Variants in HPSE2 observed in about 807,000 individuals in gnomAD.
The protein encoded by HPSE2 is heparanase 2 (inactive), also known as inactive heparanase-2.
HPSE2 carries 38 observed loss-of-function variants against 60.5 expected under a neutral mutation model. That is an observed-to-expected ratio of 0.63 (90% CI 0.48 to 0.82). HPSE2 has a LOEUF of 0.82. Ranked by LOEUF, HPSE2 falls within the 40% of genes least tolerant of loss-of-function variation. The pLI, the probability that HPSE2 is intolerant of heterozygous loss-of-function variation, is 0.00. For synonymous variants in HPSE2, 295 were observed against 293.2 expected, an observed-to-expected ratio of 1.01 and a Z score of -0.06; for missense variants, 713 against 740.4, an observed-to-expected ratio of 0.96 and a Z score of 0.43.
At chr10:99,057,267 T>C (rs1200233090) in intron 3 of HPSE2, among the ~76,000 whole-genome samples, 1 of 152,236 alleles carries the variant, frequency 6.6e-6, no homozygotes, top group Non-Finnish European at 1.5e-5. Flanking sequence ...TATGTAATTT[T>C]GTATCTAGAT....
chr10:98,561,079 GAAGT>G (rs1944162336), intron 9 of HPSE2, among the ~76,000 whole-genome samples: 1 of 152,030 alleles, frequency 6.6e-6, no homozygotes, highest in African/African-American at 2.4e-5. Flanking sequence ...ATTGGTATAG[GAAGT>G]GAGAGCTCCA....
intron 9 of HPSE2, among the ~76,000 whole-genome samples, chr10:98,559,451 G>A (rs1944108758): frequency 6.6e-6 from 1 of 152,046 alleles, no homozygotes; most frequent in Non-Finnish European, 1.5e-5. Flanking sequence ...CACTGTGGTT[G>A]TACCTCAGCA....
At chr10:98,699,883 C>G (rs1948352859) in intron 5 of HPSE2, among the ~76,000 whole-genome samples, 2 of 122,128 alleles carry the variant, frequency 1.6e-5, no homozygotes, top group Non-Finnish European at 3.7e-5. Context: ...CAGTGAACTC[C>G]CATTCACAAT....
intron 11 of HPSE2, among the ~76,000 whole-genome samples, chr10:98,464,433 C>T (rs1940441337): frequency 6.6e-6 from 1 of 152,332 alleles, no homozygotes; most frequent in African/African-American, 2.4e-5. Flanking sequence ...GTGCTCCCTC[C>T]AGCTGTCTTC....
intron 2 of HPSE2, among the ~76,000 whole-genome samples, chr10:99,178,747 G>A (rs577749697): frequency 6.6e-6 from 1 of 152,058 alleles, no homozygotes; most frequent in East Asian, 1.9e-4. Flanking sequence ...GAAAAAGAGG[G>A]AATCCTCCCT....
chr10:99,303,619 G>A, the HPSE2 span, among the ~76,000 whole-genome samples: 1 of 152,134 alleles, frequency 6.6e-6, no homozygotes, highest in Non-Finnish European at 1.5e-5. Flanking sequence ...GGGTACACCC[G>A]TCCAGGATTA....
intron 3 of HPSE2, among the ~76,000 whole-genome samples, chr10:98,766,853 A>T (rs1202857929): frequency 6.6e-6 from 1 of 152,046 alleles, no homozygotes; most frequent in Non-Finnish European, 1.5e-5. Flanking sequence ...TGAGCCTGGG[A>T]GGTCGAGGCT....
intron 7 of HPSE2, among the ~76,000 whole-genome samples, chr10:98,628,714 G>C (rs1946281956): frequency 6.6e-6 from 1 of 152,010 alleles, no homozygotes; most frequent in African/African-American, 2.4e-5. Flanking sequence ...CTGAATCCTT[G>C]GGCCTGCTAG....
In HPSE2 at chr10:98,999,330, A is replaced by C. The variant is rs576548108; in HGVS notation, c.610+144908T>G. On this transcript the variant is annotated intron_variant, in intron 3 of 11. Coordinates refer to ENST00000370552, the MANE Select transcript of HPSE2 (RefSeq NM_021828.5). ...TGATTTTGGAAACTCAGATGCAACA[A>C]ACATTTGTGGGCAATTTCCAGGTGC... is the stretch of plus-strand genomic sequence containing the variant. 3.3e-5 allele frequency among the ~76,000 whole-genome samples: 5 copies of C among 152,316 alleles called. No homozygotes were observed. The East Asian group carries it at 7.7e-4, about 23-fold the overall frequency.
At chr10:99,073,712 G>C (rs1439611036) in intron 3 of HPSE2, among the ~76,000 whole-genome samples, 1 of 152,130 alleles carries the variant, frequency 6.6e-6, no homozygotes, top group Non-Finnish European at 1.5e-5. Context: ...ATGTATGTGT[G>C]TCAAATTTGT....
chr10:98,904,806 A>C (rs913627741), intron 3 of HPSE2, among the ~76,000 whole-genome samples: 1 of 152,198 alleles, frequency 6.6e-6, no homozygotes, highest in East Asian at 1.9e-4. Context: ...CAAGAAAAAA[A>C]TAATGGTAAA....
At chr10:99,255,556 GCACA>G in the HPSE2 span, among the ~76,000 whole-genome samples, 34 of 89,876 alleles carry the variant, frequency 3.8e-4, no homozygotes, top group African/African-American at 1.9e-3. Context: ...ATGCACGCAT[GCACA>G]CATACACACA....
chr10:98,534,410 A>T (rs1020337850), intron 9 of HPSE2, among the ~76,000 whole-genome samples: 2 of 149,630 alleles, frequency 1.3e-5, no homozygotes, highest in African/African-American at 4.9e-5. Context: ...AGAATTTTTA[A>T]TTTTTTTTTT....
chr10:98,817,024 T>C lies in HPSE2; in HGVS notation c.611-72968A>G, dbSNP rs189758263. 5.5e-4 allele frequency among the ~76,000 whole-genome samples: 84 copies of C among 152,262 alleles called. No individual in the cohort carries two copies. The East Asian group carries it at 0.014, about 26-fold the overall frequency. ...GCTCTCCTTCTCTGCTTCCTTGGACTGCTGGCACCCTCAATTGTAAGTCTT... is the reference window on the plus strand; with the variant it reads ...GCTCTCCTTCTCTGCTTCCTTGGACCGCTGGCACCCTCAATTGTAAGTCTT... On this transcript the variant is annotated intron_variant, in intron 3 of 11. Transcript: ENST00000370552.
chr10:99,220,417 T>C (rs1849269268), intron 2 of HPSE2, among the ~76,000 whole-genome samples: 1 of 152,246 alleles, frequency 6.6e-6, no homozygotes, highest in Admixed American at 6.5e-5. Flanking sequence ...ATTCTATCTA[T>C]ATACTTTAAA....
intron 3 of HPSE2, among the ~76,000 whole-genome samples, chr10:99,102,560 G>A (rs906194263): frequency 3.3e-5 from 5 of 152,178 alleles, no homozygotes; most frequent in Non-Finnish European, 5.9e-5. Context: ...GGTACAAGGA[G>A]GAGCTGGTAC....
At chr10:98,933,834 C>A (rs1220495743) in intron 3 of HPSE2, among the ~76,000 whole-genome samples, 1 of 141,308 alleles carries the variant, frequency 7.1e-6, no homozygotes, top group Non-Finnish European at 1.5e-5. Context: ...TGGGTTCACG[C>A]CATTCTCCTG....
In HPSE2 at chr10:98,858,749, C is replaced by T. The variant is rs568399624; in HGVS notation, c.611-114693G>A. ...TAAGACCAACCAGCAGATGGGGCTGCTAGAAGAAATAGAGGCTACATAACC... is the reference window on the plus strand; with the variant it reads ...TAAGACCAACCAGCAGATGGGGCTGTTAGAAGAAATAGAGGCTACATAACC... On this transcript the variant is annotated intron_variant, in intron 3 of 11. Transcript: ENST00000370552. Among the ~76,000 whole-genome samples the T allele has an allele frequency of 9.9e-4, 151 of 152,210 alleles. 1 individual carries two copies. The highest frequency in any genetic ancestry group is 3.4e-3 in the African/African-American group (143 of 41,516).
intron 3 of HPSE2, among the ~76,000 whole-genome samples, chr10:98,835,943 G>A (rs1951780414): frequency 6.6e-6 from 1 of 152,074 alleles, no homozygotes; most frequent in South Asian, 2.1e-4. Context: ...CTCATGCTAG[G>A]TGCCATGTAA....
Sources: allele counts gnomAD v4.1 joint callset (sites outside exome capture counted in the v4.1 genomes callset), GRCh38; gene constraint gnomAD v4.1.1; transcripts MANE v1.5; gene names NCBI Gene and HGNC (gene_info 2026-07-23, HGNC 2026-07-21).